Variants in FANCC observed in about 807,000 individuals in gnomAD.
FANCC encodes the protein Fanconi anemia group C protein.
FANCC carries 55 observed loss-of-function variants against 71.3 expected under a neutral mutation model. That is an observed-to-expected ratio of 0.77 (90% CI 0.62 to 0.97). The LOEUF (loss-of-function observed/expected upper bound fraction) is 0.97. Among genes scored for constraint, FANCC ranks in the 50% least tolerant of loss-of-function variants. The pLI is 0.00. For synonymous variants in FANCC, 275 were observed against 244.9 expected (o/e 1.12, Z -1.15); for missense variants, 678 against 670.9 (o/e 1.01, Z -0.12).
intron 1 of FANCC, among the ~76,000 whole-genome samples, chr9:95,300,833 A>G (rs1203512583): frequency 1.3e-5 from 2 of 152,178 alleles, no homozygotes; most frequent in East Asian, 3.8e-4. Flanking sequence ...GCCAAGAGAC[A>G]CATCAGCGAC....
chr9:95,135,252 T>C lies in FANCC; in HGVS notation c.843+94A>G, dbSNP rs1296753549. On this transcript the variant is annotated intron_variant, in intron 8 of 14. Transcript: ENST00000289081. The stretch of plus-strand genomic sequence containing the variant: ...TATATAAAGGTTCCAATTGCTCTTT[T>C]GTTTACATCCCCCCCTTTCATTCTC... The C allele has an allele frequency of 2.4e-6, 3 of 1,264,802 alleles. No homozygotes were observed. In the African/African-American group the frequency reaches 4.4e-5, roughly 19 times the overall value. The allele number at this position is 1,264,802 out of a possible 1,614,324, so 78.3% of individuals were successfully genotyped here.
chr9:95,102,895 C>T (rs115805034), intron 14 of FANCC, among the ~76,000 whole-genome samples: 1,579 of 152,332 alleles, frequency 0.01, 28 homozygotes, highest in African/African-American at 0.037. Context: ...CACACAGGGC[C>T]TGCAGCCGGC....
intron 4 of FANCC, among the ~76,000 whole-genome samples, chr9:95,190,651 T>G (rs1359065335): frequency 1.3e-5 from 2 of 152,224 alleles, no homozygotes; most frequent in Non-Finnish European, 2.9e-5. Context: ...ATCTCCAGGA[T>G]GCACACACAC....
At position 95,111,644 on chromosome 9, in the gene FANCC, C is replaced by A; in HGVS notation, c.1155-7G>T. On this transcript the variant is annotated splice_polypyrimidine_tract_variant and splice_region_variant and intron_variant, in intron 12 of 14. Transcript: ENST00000289081. ...AAAGGGACCTCCGCAGGACCTGGAA[C>A]AGAGGCAGAACACATGGCAGTTGAC... 1 of 1,614,138 alleles carries A rather than the reference C, an allele frequency of 6.2e-7. No homozygotes were observed.
chr9:95,106,127 G>A (rs1334235721), intron 14 of FANCC, among the ~76,000 whole-genome samples: 5 of 152,150 alleles, frequency 3.3e-5, no homozygotes, highest in Admixed American at 2.0e-4. Flanking sequence ...CCTCACGGGC[G>A]TTTCTTTTCT....
intron 12 of FANCC, 142 bp from the exon 13 acceptor site, chr9:95,111,779 G>T: frequency 1.0e-6 from 1 of 973,336 alleles, no homozygotes; most frequent in Non-Finnish European, 1.6e-6. Context: ...ATACAATTTA[G>T]ATTCAGAAAG....
intron 4 of FANCC, among the ~76,000 whole-genome samples, chr9:95,175,292 A>G (rs375431566): frequency 5.2e-4 from 76 of 145,296 alleles, no homozygotes; most frequent in African/African-American, 1.8e-3. Flanking sequence ...GAAGACGTTC[A>G]TGATTAATAA....
chr9:95,299,228 A>G (rs528799396), intron 1 of FANCC, among the ~76,000 whole-genome samples: 1 of 152,340 alleles, frequency 6.6e-6, no homozygotes, highest in South Asian at 2.1e-4. Flanking sequence ...ACAATATCAA[A>G]ATCCCTATAA....
rs190624604 is a variant in FANCC at position 95,189,580 on chromosome 9, A to C, written c.346-17433T>G. On this transcript the variant is annotated intron_variant, in intron 4 of 14. Coordinates refer to ENST00000289081, the MANE Select transcript of FANCC (RefSeq NM_000136.3). Reference sequence around the variant, plus strand: ...AAAAACCAAAACCAAAAGGCTTTAGAAAATAAGCCTGAATGAAACCATGGC... The same window carrying C: ...AAAAACCAAAACCAAAAGGCTTTAGCAAATAAGCCTGAATGAAACCATGGC... 1.2e-3 allele frequency among the ~76,000 whole-genome samples: 184 copies of C among 152,350 alleles called. 2 individuals are homozygous for C. Among genetic ancestry groups the C allele is most frequent in the African/African-American group, 4.3e-3 (179 of 41,578 alleles).
intron 1 of FANCC, among the ~76,000 whole-genome samples, chr9:95,310,959 C>T (rs1179351855): frequency 6.6e-6 from 1 of 152,092 alleles, no homozygotes; most frequent in Non-Finnish European, 1.5e-5. Context: ...ATAAATCAGG[C>T]GTTGGCCAGG....
intron 1 of FANCC, among the ~76,000 whole-genome samples, chr9:95,315,589 G>A (rs575509706): frequency 6.6e-6 from 1 of 152,134 alleles, no homozygotes; most frequent in Non-Finnish European, 1.5e-5. Flanking sequence ...AAACTTCCAA[G>A]GTGCTTCTCC....
chr9:95,292,609 G>A (rs914558177), intron 1 of FANCC: 4 of 1,455,052 alleles, frequency 2.7e-6, no homozygotes, highest in Admixed American at 1.7e-5. Flanking sequence ...CGCGGCTGCC[G>A]CAAGATCCTG....
intron 10 of FANCC, among the ~76,000 whole-genome samples, chr9:95,124,362 T>C (rs1825640835): frequency 6.6e-6 from 1 of 152,142 alleles, no homozygotes; most frequent in Admixed American, 6.5e-5. Flanking sequence ...ATATATATGC[T>C]GAAAGGTGAA....
chr9:95,161,614 C>A (rs1438555092), intron 6 of FANCC, among the ~76,000 whole-genome samples: 3 of 152,110 alleles, frequency 2.0e-5, no homozygotes, highest in Non-Finnish European at 4.4e-5. Context: ...AGCTCATAGA[C>A]CAGTTTTAAA....
chr9:95,148,926 C>G (rs976241145), intron 7 of FANCC, among the ~76,000 whole-genome samples: 5 of 152,174 alleles, frequency 3.3e-5, no homozygotes, highest in Non-Finnish European at 1.5e-5. Context: ...CCGCCTTTCC[C>G]AATTACTATC....
At chr9:95,114,147 A>G (rs968561467) in intron 12 of FANCC, 2 of 195,504 alleles carry the variant, frequency 1.0e-5, no homozygotes, top group Non-Finnish European at 2.2e-5. Flanking sequence ...TTCTCATTTT[A>G]GAGAGATTTA....
At position 95,247,212 on chromosome 9, in the gene FANCC, CGTGTGT is replaced by C. The variant is rs3030679; in HGVS notation, c.250+214_250+219del. ...GAAGATCTGCATGGGTGCGTGCACGCGTGTGTGTGTGTGTGTGTGTGTGTTTATCTA... is the reference window on the plus strand; with the variant it reads ...GAAGATCTGCATGGGTGCGTGCACGCGTGTGTGTGTGTGTGTGTTTATCTA... On this transcript the variant is annotated intron_variant, in intron 3 of 14. Transcript: ENST00000289081. Among the ~76,000 whole-genome samples the C allele has an allele frequency of 1.4e-3, 208 of 149,640 alleles. 1 individual carries two copies. Among genetic ancestry groups the C allele is most frequent in the Non-Finnish European group, 1.0e-3 (69 of 67,378 alleles).
chr9:95,102,501 G>A (rs537264186), intron 14 of FANCC, among the ~76,000 whole-genome samples: 1 of 152,198 alleles, frequency 6.6e-6, no homozygotes, highest in Non-Finnish European at 1.5e-5. Flanking sequence ...GGAATTTATG[G>A]TTCTTTAAGC....
rs529826146 is a variant in FANCC at position 95,143,844 on chromosome 9, G to A, written c.686+6079C>T. On this transcript the variant is annotated intron_variant, in intron 7 of 14. Coordinates refer to ENST00000289081, the MANE Select transcript of FANCC (RefSeq NM_000136.3). ...GCAGGTGCCTATGACGGCAGCCCCA[G>A]GGACAGACATGAAAAGTTGACATTT... is the stretch of plus-strand genomic sequence containing the variant. Among the ~76,000 whole-genome samples the A allele has an allele frequency of 9.2e-5, 14 of 152,278 alleles. No homozygotes were observed. In the East Asian group the frequency reaches 2.3e-3, roughly 25 times the overall value.
Sources: allele counts gnomAD v4.1 joint callset (sites outside exome capture counted in the v4.1 genomes callset), GRCh38; gene constraint gnomAD v4.1.1; transcripts MANE v1.5; gene names NCBI Gene and HGNC (gene_info 2026-07-23, HGNC 2026-07-21).